The following POLR3B variants were observed in gnomAD, a reference collection of about 807,000 sequenced individuals.
The protein encoded by POLR3B is RNA polymerase III subunit B, also known as DNA-directed RNA polymerase III subunit RPC2.
A neutral mutation model predicts 147.4 loss-of-function variants in POLR3B; 96 were observed. That is an observed-to-expected ratio of 0.65 (90% CI 0.55 to 0.77). The LOEUF (loss-of-function observed/expected upper bound fraction) is 0.77, where lower values mean the gene tolerates loss of function less well. Ranked by LOEUF, POLR3B falls within the 30% of genes least tolerant of loss-of-function variation. POLR3B has a pLI of 0.00. For synonymous variants in POLR3B, 461 were observed against 485.9 expected (o/e 0.95, Z 0.67); for missense variants, 1,036 against 1,413.5 (o/e 0.73, Z 4.28).
chr12:106,452,980 A>G (rs765869174), intron 19 of POLR3B, among the ~76,000 whole-genome samples: 1 of 151,726 alleles, frequency 6.6e-6, no homozygotes, highest in Non-Finnish European at 1.5e-5. Flanking sequence ...AGTAATTGTC[A>G]AGTAATTTTT....
chr12:106,427,266 G>C lies in POLR3B; in HGVS notation c.1171G>C (p.Val391Leu). 6.2e-7 allele frequency: 1 copy of C among 1,611,838 alleles called. No homozygotes were observed. Among genetic ancestry groups the C allele is most frequent in the Non-Finnish European group, 8.5e-7 (1 of 1,178,984 alleles). ...NSEMKKIADQVIPKQRAAQFD... is the reference protein window; with the variant it reads ...NSEMKKIADQLIPKQRAAQFD... ...TGAAATGAAAAAGATTGCCGACCAGGTGATTCCTAAGCAAAGAGCAGCCCA... is the reference window on the plus strand; with the variant it reads ...TGAAATGAAAAAGATTGCCGACCAGCTGATTCCTAAGCAAAGAGCAGCCCA... Residue 391 changes from valine to leucine, a missense_variant, in exon 13 of 28, where the codon GTG (valine) becomes CTG (leucine). By Grantham distance (32) the Val-to-Leu change is conservative. Around this residue, in one of 12 missense-constraint regions of POLR3B, gnomAD observed 89 missense variants for 110.9 expected, o/e 0.80. Coordinates refer to ENST00000228347, the MANE Select transcript of POLR3B (RefSeq NM_018082.6).
At chr12:106,418,875 G>T (rs756182344) in intron 12 of POLR3B, among the ~76,000 whole-genome samples, 3 of 152,108 alleles carry the variant, frequency 2.0e-5, no homozygotes, top group Admixed American at 1.3e-4. Flanking sequence ...TAATAATGAG[G>T]CAGTATTTCT....
At chr12:106,495,550 G>A (rs2038465972) in intron 23 of POLR3B, among the ~76,000 whole-genome samples, 2 of 152,168 alleles carry the variant, frequency 1.3e-5, no homozygotes, top group South Asian at 4.1e-4. Context: ...TAGCACATCA[G>A]CCACACACAG....
rs373260079 is a variant in POLR3B, at chr12:106,401,844, C to T, written c.847-4013C>T. On this transcript the variant is annotated intron_variant, in intron 10 of 27. Transcript: ENST00000228347. Reference sequence around the variant, plus strand: ...ATAAGAGCTATCTATGACAAACCCACAGCCAATATCATACTGAATGGGCAA... The same window carrying T: ...ATAAGAGCTATCTATGACAAACCCATAGCCAATATCATACTGAATGGGCAA... 1.0e-3 allele frequency among the ~76,000 whole-genome samples: 158 copies of T among 152,198 alleles called. 3 individuals carry two copies. In the East Asian group the frequency reaches 0.017, roughly 16 times the overall value.
At chr12:106,462,473 C>T (rs149832489) in intron 22 of POLR3B, among the ~76,000 whole-genome samples, 45 of 152,296 alleles carry the variant, frequency 3.0e-4, no homozygotes, top group Non-Finnish European at 5.0e-4. Flanking sequence ...AACTCCTGAC[C>T]TCATGATCCG....
At chr12:106,406,021 G>C (rs745943219) in intron 11 of POLR3B, 45 bp downstream of exon 11, 130 of 1,605,158 alleles carry the variant, frequency 8.1e-5, no homozygotes, top group Middle Eastern at 1.7e-4. Context: ...TGGGGTCTGT[G>C]AATTCCTGTT....
intron 25 of POLR3B, among the ~76,000 whole-genome samples, chr12:106,499,836 A>T (rs1486250087): frequency 6.6e-6 from 1 of 152,258 alleles, no homozygotes; most frequent in Non-Finnish European, 1.5e-5. Context: ...TGAAGTCAGC[A>T]GAATGGCCTG....
chr12:106,410,669 A>G, intron 11 of POLR3B, 157 bp from the exon 12 acceptor site: 1 of 697,778 alleles, frequency 1.4e-6, no homozygotes, highest in Non-Finnish European at 2.5e-6. Context: ...ATCTCAGCTC[A>G]GGAAATTTCC....
intron 23 of POLR3B, among the ~76,000 whole-genome samples, chr12:106,467,568 A>C (rs964009670): frequency 1.8e-4 from 28 of 152,312 alleles, no homozygotes; most frequent in Admixed American, 3.9e-4. Context: ...TTGCCCATTC[A>C]GTATGATATT....
Position 106,414,549 on chromosome 12 carries a change from C to T in POLR3B, c.1101+3589C>T, listed in dbSNP as rs1428701318. Among the ~76,000 whole-genome samples the T allele has an allele frequency of 2.6e-5, 4 of 152,262 alleles. No individual in the cohort carries two copies. The South Asian group carries it at 8.3e-4, about 32-fold the overall frequency. ...TTGTCACTGAACTCTGATTTAGTCT[C>T]CAGGTCCCTAAGCTGATATCAGTAT... is the stretch of plus-strand genomic sequence containing the variant. On this transcript the variant is annotated intron_variant, in intron 12 of 27. Coordinates refer to ENST00000228347, the MANE Select transcript of POLR3B (RefSeq NM_018082.6).
At chr12:106,468,086 C>CT (rs1235782701) in intron 23 of POLR3B, among the ~76,000 whole-genome samples, 1 of 152,082 alleles carries the variant, frequency 6.6e-6, no homozygotes, top group Non-Finnish European at 1.5e-5. Context: ...TGGTCCTGGA[C>CT]TTTTTTTGGT....
rs759861315 is a variant in POLR3B, at chr12:106,496,736, T to G, written c.2818-16T>G. ...GCCACAGGGAGGTGCTCACTTAATT[T>G]GTTCACATCCTGCAGGTGGGGAAGC... On this transcript the variant is annotated splice_polypyrimidine_tract_variant and intron_variant, in intron 24 of 27. Coordinates refer to ENST00000228347, the MANE Select transcript of POLR3B (RefSeq NM_018082.6). 1 of 1,613,778 alleles carries G rather than the reference T, an allele frequency of 6.2e-7. No homozygotes were observed. The highest frequency in any genetic ancestry group is 1.1e-5 in the South Asian group (1 of 91,086).
chr12:106,456,272 G>A (rs1001416693), intron 20 of POLR3B, among the ~76,000 whole-genome samples: 2 of 152,104 alleles, frequency 1.3e-5, no homozygotes, highest in South Asian at 2.1e-4. Context: ...CAGTGGTTGA[G>A]TTTTTTTGCC....
At chr12:106,492,388 A>T (rs1039603939) in intron 23 of POLR3B, among the ~76,000 whole-genome samples, 3 of 152,144 alleles carry the variant, frequency 2.0e-5, no homozygotes, top group Non-Finnish European at 2.9e-5. Flanking sequence ...TCTACAAAAA[A>T]AAAAATTAAA....
At chr12:106,485,281 T>C (rs1200611336) in intron 23 of POLR3B, among the ~76,000 whole-genome samples, 1 of 152,126 alleles carries the variant, frequency 6.6e-6, no homozygotes, top group Admixed American at 6.5e-5. Flanking sequence ...AATCCATTCA[T>C]GGGAATGGAG....
At chr12:106,508,618 C>T (rs1592786506) in intron 27 of POLR3B, among the ~76,000 whole-genome samples, 1 of 152,154 alleles carries the variant, frequency 6.6e-6, no homozygotes, top group Non-Finnish European at 1.5e-5. Flanking sequence ...ACAGTTGTAG[C>T]CATTGATTAA....
At chr12:106,451,455 CTAT>C (rs2037794878) in intron 19 of POLR3B, among the ~76,000 whole-genome samples, 1 of 151,846 alleles carries the variant, frequency 6.6e-6, no homozygotes, top group Admixed American at 6.6e-5. Context: ...AACCCCATCT[CTAT>C]TAAAAATACA....
chr12:106,459,587 G>T (rs561962655), intron 22 of POLR3B, among the ~76,000 whole-genome samples: 2 of 152,308 alleles, frequency 1.3e-5, no homozygotes, highest in East Asian at 1.9e-4. Context: ...ATAGGCAGGG[G>T]TTCCTGGTGG....
chr12:106,375,452 G>C (rs184767206), intron 6 of POLR3B, among the ~76,000 whole-genome samples: 4 of 152,224 alleles, frequency 2.6e-5, no homozygotes, highest in Non-Finnish European at 4.4e-5. Context: ...GTCTGATTAG[G>C]TGTTGATTAG....
Sources: allele counts gnomAD v4.1 joint callset (sites outside exome capture counted in the v4.1 genomes callset), GRCh38; gene constraint gnomAD v4.1.1; regional missense constraint gnomAD v4.1.1; transcripts MANE v1.5; gene names NCBI Gene and HGNC (gene_info 2026-07-23, HGNC 2026-07-21).